ROR1: variants seen among roughly 807,000 people sequenced by gnomAD.
ROR1 encodes inactive tyrosine-protein kinase transmembrane receptor ROR1.
In ROR1, 19 loss-of-function variants were observed where a neutral mutation model predicts 78.8. That is an observed-to-expected ratio of 0.24 (90% CI 0.17 to 0.35). The LOEUF is 0.35. Among genes scored for constraint, ROR1 ranks in the 10% least tolerant of loss-of-function variants. The pLI is 1.00. For synonymous variants in ROR1, 386 were observed against 433.6 expected, an observed-to-expected ratio of 0.89 and a Z score of 1.36; for missense variants, 917 against 1,177.8, an observed-to-expected ratio of 0.78 and a Z score of 3.24.
At chr1:63,776,902 G>GT (rs1267041485) in intron 1 of ROR1, among the ~76,000 whole-genome samples, 7 of 151,986 alleles carry the variant, frequency 4.6e-5, no homozygotes, top group Non-Finnish European at 1.0e-4. Context: ...TAGAACTCAC[G>GT]TTTACTTTCT....
intron 4 of ROR1, among the ~76,000 whole-genome samples, chr1:64,128,781 C>T (rs1648808690): frequency 6.6e-6 from 1 of 151,822 alleles, no homozygotes; most frequent in Non-Finnish European, 1.5e-5. Context: ...AATATTAACA[C>T]AAGAGGTAAT....
chr1:63,898,399 T>A (rs78473249), intron 1 of ROR1, among the ~76,000 whole-genome samples: 153 of 108,980 alleles, frequency 1.4e-3, no homozygotes, highest in African/African-American at 2.5e-3. Flanking sequence ...GTTTTTTTTT[T>A]AAAAAAAGGA....
At position 63,840,436 on chromosome 1, in the gene ROR1, C is replaced by T. The variant is rs143560640; in HGVS notation, c.91+65928C>T. On this transcript the variant is annotated intron_variant, in intron 1 of 8. Transcript: ENST00000371079. ...CTGGGACTACAGGTACACGCCACCA[C>T]GCCTAGCTAATTTTTTTGTATTTTT... Among the ~76,000 whole-genome samples the T allele has an allele frequency of 9.7e-3, 1,473 of 151,906 alleles. 10 individuals are homozygous for T. Among genetic ancestry groups the T allele is most frequent in the Middle Eastern group, 0.027 (8 of 294 alleles).
intron 1 of ROR1, among the ~76,000 whole-genome samples, chr1:63,905,984 TA>T: frequency 6.6e-6 from 1 of 152,332 alleles, no homozygotes; most frequent in South Asian, 2.1e-4. Flanking sequence ...GATAATTAGC[TA>T]AATGTAATCA....
chr1:64,042,805 G>C (rs546057801), intron 2 of ROR1, among the ~76,000 whole-genome samples: 1 of 152,336 alleles, frequency 6.6e-6, no homozygotes, highest in Non-Finnish European at 1.5e-5. Flanking sequence ...CCGAGATAGT[G>C]AGTCAGAAGT....
chr1:64,177,910 C>T lies in ROR1; in HGVS notation c.1869C>T (p.Ile623=), dbSNP rs917654975. 2.0e-5 allele frequency: 33 copies of T among 1,614,162 alleles called. No homozygotes were observed. The highest frequency in any genetic ancestry group is 5.0e-5 in the Admixed American group (3 of 60,020). Residue 623 remains isoleucine, a synonymous_variant, in exon 9 of 9, where the codon ATC becomes ATT. Coordinates refer to ENST00000371079, the MANE Select transcript of ROR1 (RefSeq NM_005012.4). ...ACCTTGCAGCTCGCAATATTTTAAT[C>T]GGAGAGCAACTTCATGTAAAGATTT... ...HKDLAARNIL[I]GEQLHVKISD...
Position 63,833,281 on chromosome 1 carries a change from G to A in ROR1, c.91+58773G>A, listed in dbSNP as rs1046068581. 8.5e-5 allele frequency among the ~76,000 whole-genome samples: 13 copies of A among 152,304 alleles called. 1 individual carries two copies. The highest frequency in any genetic ancestry group is 3.1e-4 in the African/African-American group (13 of 41,572). ...ATGTTTAGCTGCTTTGATTAGTAGTGTTAAGTGAAATGGACTGCCTGAGTG... is the reference window on the plus strand; with the variant it reads ...ATGTTTAGCTGCTTTGATTAGTAGTATTAAGTGAAATGGACTGCCTGAGTG... On this transcript the variant is annotated intron_variant, in intron 1 of 8. Transcript: ENST00000371079.
At chr1:63,907,109 C>G (rs570948598) in intron 1 of ROR1, among the ~76,000 whole-genome samples, 2 of 152,314 alleles carry the variant, frequency 1.3e-5, no homozygotes, top group East Asian at 1.9e-4. Context: ...ATGGACAGCT[C>G]TCTCCACAGC....
chr1:63,979,138 C>T (rs751445497), intron 1 of ROR1, among the ~76,000 whole-genome samples: 46 of 152,150 alleles, frequency 3.0e-4, no homozygotes, highest in Non-Finnish European at 5.3e-4. Flanking sequence ...AAAGCACTCT[C>T]ATAGAAATGT....
intron 1 of ROR1, among the ~76,000 whole-genome samples, chr1:63,847,154 G>A (rs1376407787): frequency 2.0e-5 from 3 of 152,162 alleles, no homozygotes; most frequent in Admixed American, 6.5e-5. Context: ...CCAGGGAGAG[G>A]AGCAAGAGGT....
At chr1:64,029,218 T>C (rs1646640294) in intron 2 of ROR1, among the ~76,000 whole-genome samples, 1 of 152,164 alleles carries the variant, frequency 6.6e-6, no homozygotes, top group South Asian at 2.1e-4. Flanking sequence ...CTGTGAATGG[T>C]ACCTTGCATA....
At chr1:64,121,059 C>CCTTTT (rs1648513615) in intron 4 of ROR1, among the ~76,000 whole-genome samples, 1 of 82,010 alleles carries the variant, frequency 1.2e-5, no homozygotes, top group Non-Finnish European at 2.2e-5. Context: ...GGAGATACCC[C>CCTTTT]TTTTTTTTTT....
intron 1 of ROR1, among the ~76,000 whole-genome samples, chr1:63,777,111 C>A (rs2100215058): frequency 6.6e-6 from 1 of 152,296 alleles, no homozygotes; most frequent in Admixed American, 6.5e-5. Flanking sequence ...TCTACCCCCT[C>A]CCTATGCAAA....
At chr1:64,008,062 T>C (rs1646443860) in intron 1 of ROR1, among the ~76,000 whole-genome samples, 1 of 151,934 alleles carries the variant, frequency 6.6e-6, no homozygotes. Flanking sequence ...TGGGCTTCCA[T>C]TGATCCCATC....
At chr1:63,968,327 A>G (rs1384506051) in intron 1 of ROR1, among the ~76,000 whole-genome samples, 2 of 152,246 alleles carry the variant, frequency 1.3e-5, no homozygotes, top group African/African-American at 2.4e-5. Context: ...CTAAAGAGCC[A>G]TATACAAAGA....
intron 2 of ROR1, among the ~76,000 whole-genome samples, chr1:64,013,392 T>C (rs989211491): frequency 2.6e-5 from 4 of 152,154 alleles, no homozygotes; most frequent in African/African-American, 9.7e-5. Flanking sequence ...CCCTACTGAC[T>C]CTTCTTATCT....
intron 1 of ROR1, among the ~76,000 whole-genome samples, chr1:63,879,970 A>T (rs998516490): frequency 3.3e-5 from 5 of 152,134 alleles, no homozygotes; most frequent in Non-Finnish European, 7.4e-5. Context: ...TCTTTCCTTT[A>T]TGAAAATGGT....
chr1:64,116,715 C>T (rs149911727), intron 4 of ROR1, among the ~76,000 whole-genome samples: 479 of 152,204 alleles, frequency 3.1e-3, no homozygotes, highest in Non-Finnish European at 5.4e-3. Context: ...GGCACCAATC[C>T]GTGTAGTGAG....
intron 1 of ROR1, among the ~76,000 whole-genome samples, chr1:63,891,235 G>A (rs1645393246): frequency 6.6e-6 from 1 of 152,104 alleles, no homozygotes; most frequent in African/African-American, 2.4e-5. Context: ...CATCATTAGG[G>A]CCCTGTTGTT....
Sources: gnomAD v4.1 joint callset for allele counts (sites outside exome capture counted in the v4.1 genomes callset) on GRCh38, gnomAD v4.1.1 for gene constraint, MANE v1.5 for transcripts, NCBI Gene and HGNC (gene_info 2026-07-23, HGNC 2026-07-21) for gene names.